Variants in TNFSF4 observed in about 807,000 individuals in gnomAD.
TNFSF4 encodes the protein tumor necrosis factor ligand superfamily member 4.
In TNFSF4, 4 loss-of-function variants were observed where a neutral mutation model predicts 7.3. The ratio of observed to expected loss-of-function variants is 0.55; its 90% CI spans 0.27 to 1.25. The LOEUF (loss-of-function observed/expected upper bound fraction) is 1.25, where lower values mean the gene tolerates loss of function less well. Ranked by LOEUF, TNFSF4 falls within the 50% of genes most tolerant of loss-of-function variation. The pLI is 0.12. For synonymous variants in TNFSF4, 76 were observed against 83.7 expected, an observed-to-expected ratio of 0.91 and a Z score of 0.50; for missense variants, 181 against 208.8, an observed-to-expected ratio of 0.87 and a Z score of 0.82.
the TNFSF4 span, among the ~76,000 whole-genome samples, chr1:173,411,280 C>T: frequency 8.5e-5 from 13 of 152,138 alleles, no homozygotes; most frequent in East Asian, 1.9e-4. Context: ...GGGGCAGGGG[C>T]GGGGACAGTT....
At chr1:173,348,105 T>C in the TNFSF4 span, among the ~76,000 whole-genome samples, 1 of 152,112 alleles carries the variant, frequency 6.6e-6, no homozygotes, top group African/African-American at 2.4e-5. Flanking sequence ...ACAAAGAAGA[T>C]CAATAATCTA....
At chr1:173,434,670 G>A in the TNFSF4 span, among the ~76,000 whole-genome samples, 2 of 152,186 alleles carry the variant, frequency 1.3e-5, no homozygotes, top group Non-Finnish European at 2.9e-5. Context: ...CAAGGTATTC[G>A]ATGCCATGGA....
chr1:173,331,472 A>G, the TNFSF4 span, among the ~76,000 whole-genome samples: 1 of 152,242 alleles, frequency 6.6e-6, no homozygotes, highest in Non-Finnish European at 1.5e-5. Flanking sequence ...AAAACTAGAC[A>G]CTTCAGAAAG....
the TNFSF4 span, among the ~76,000 whole-genome samples, chr1:173,417,549 A>T: frequency 6.6e-6 from 1 of 152,212 alleles, no homozygotes; most frequent in Non-Finnish European, 1.5e-5. Flanking sequence ...AGCCATCAAT[A>T]ACCAAGACCA....
chr1:173,381,265 G>A, the TNFSF4 span, among the ~76,000 whole-genome samples: 1 of 152,104 alleles, frequency 6.6e-6, no homozygotes, highest in East Asian at 1.9e-4. Flanking sequence ...GCTGAGAAAG[G>A]AGGACTCTGC....
At chr1:173,423,964 C>A in the TNFSF4 span, among the ~76,000 whole-genome samples, 127,660 of 152,076 alleles carry the variant, frequency 0.84, 53,869 homozygotes, top group African/African-American at 0.92. Flanking sequence ...AGGTACCTTA[C>A]GCACTGTGTC....
At chr1:173,232,682 C>A in the TNFSF4 span, among the ~76,000 whole-genome samples, 1 of 152,060 alleles carries the variant, frequency 6.6e-6, no homozygotes, top group Non-Finnish European at 1.5e-5. Flanking sequence ...GCATGAAGGG[C>A]TGTTGGATTT....
At chr1:173,417,610 A>G in the TNFSF4 span, among the ~76,000 whole-genome samples, 1 of 152,202 alleles carries the variant, frequency 6.6e-6, no homozygotes, top group African/African-American at 2.4e-5. Context: ...GAGGGTGAGT[A>G]CTGATTTCTC....
chr1:173,286,651 A>G, the TNFSF4 span, among the ~76,000 whole-genome samples: 1 of 152,146 alleles, frequency 6.6e-6, no homozygotes, highest in Non-Finnish European at 1.5e-5. Flanking sequence ...CTAATAGAAA[A>G]AAATAAAAGA....
chr1:173,232,725 A>G, the TNFSF4 span, among the ~76,000 whole-genome samples: 1 of 152,178 alleles, frequency 6.6e-6, no homozygotes, highest in Non-Finnish European at 1.5e-5. Context: ...TATTGAGATA[A>G]TCATGTGGTT....
the TNFSF4 span, among the ~76,000 whole-genome samples, chr1:173,393,740 T>C: frequency 2.0e-5 from 3 of 152,250 alleles, no homozygotes; most frequent in Non-Finnish European, 4.4e-5. Context: ...ACTATCTGTA[T>C]ATCCTTCCTG....
At chr1:173,414,485 G>T in the TNFSF4 span, among the ~76,000 whole-genome samples, 21 of 152,196 alleles carry the variant, frequency 1.4e-4, no homozygotes, top group Non-Finnish European at 4.4e-5. Context: ...TCTGTAACAA[G>T]TATTGTCTCA....
the TNFSF4 span, among the ~76,000 whole-genome samples, chr1:173,418,826 G>A: frequency 6.6e-6 from 1 of 152,160 alleles, no homozygotes; most frequent in Non-Finnish European, 1.5e-5. Flanking sequence ...ATGTCCCAGA[G>A]GTAGTGGCTG....
the TNFSF4 span, among the ~76,000 whole-genome samples, chr1:173,255,165 G>C: frequency 6.6e-6 from 1 of 152,172 alleles, no homozygotes; most frequent in Non-Finnish European, 1.5e-5. Context: ...CAGGCTGCTT[G>C]TAACAAGGGT....
chr1:173,272,714 T>A, the TNFSF4 span, among the ~76,000 whole-genome samples: 1 of 152,140 alleles, frequency 6.6e-6, no homozygotes, highest in Non-Finnish European at 1.5e-5. Context: ...CCCTGAGTGT[T>A]CCCCAAAAAT....
At chr1:173,377,580 C>G in the TNFSF4 span, among the ~76,000 whole-genome samples, 1 of 152,342 alleles carries the variant, frequency 6.6e-6, no homozygotes, top group South Asian at 2.1e-4. Context: ...GTCAGACAAA[C>G]TTCCTCTTGC....
chr1:173,272,779 C>T, the TNFSF4 span, among the ~76,000 whole-genome samples: 6 of 152,166 alleles, frequency 3.9e-5, no homozygotes, highest in African/African-American at 1.2e-4. Flanking sequence ...TTCCACTTCT[C>T]GAAAGCCATT....
At chr1:173,365,696 CTTAAT>C in the TNFSF4 span, among the ~76,000 whole-genome samples, 7 of 152,130 alleles carry the variant, frequency 4.6e-5, no homozygotes, top group Non-Finnish European at 7.4e-5. Context: ...ATTAATTTCT[CTTAAT>C]TTAATCATCA....
At chr1:173,220,441 T>A in the TNFSF4 span, among the ~76,000 whole-genome samples, 5 of 152,326 alleles carry the variant, frequency 3.3e-5, no homozygotes, top group East Asian at 7.7e-4. Flanking sequence ...CCTACTCTCT[T>A]AGAGTTTATA....
Sources: allele counts gnomAD v4.1 joint callset (sites outside exome capture counted in the v4.1 genomes callset), GRCh38; gene constraint gnomAD v4.1.1; transcripts MANE v1.5; gene names NCBI Gene and HGNC (gene_info 2026-07-23, HGNC 2026-07-21).